The following CILP variants were observed in gnomAD, a reference collection of about 807,000 sequenced individuals.
CILP encodes cartilage intermediate layer protein 1.
Under a neutral mutation model 82.5 loss-of-function variants are expected in CILP, and 75 were observed. The ratio of observed to expected loss-of-function variants is 0.91; its 90% CI spans 0.75 to 1.10. The LOEUF (loss-of-function observed/expected upper bound fraction) is 1.10. CILP is among the 50% of genes least tolerant of loss of function. The probability of loss-of-function intolerance (pLI) is 0.00; values close to 1 mark genes in which losing one functional copy is unlikely to be tolerated. For missense variants in CILP, 1,479 were observed against 1,530.8 expected, an observed-to-expected ratio of 0.97 and a Z score of 0.56; for synonymous variants, 530 against 580.3, an observed-to-expected ratio of 0.91 and a Z score of 1.25.
In CILP at chr15:65,201,888, G is replaced by A; in HGVS notation, c.1170C>T (p.Ala390=). Residue 390 remains alanine, a synonymous_variant, in exon 8 of 9, where the codon GCC becomes GCT. Transcript: ENST00000261883. ...CAGGCTTACCTATGACAATCAGCTG[G>A]GCAACCTTGGACTTCACAGCCCCAG... ...SDAGAVKSKV[A]QLIVIASDET... is the part of the protein sequence containing the mutation. 2 of 1,560,418 alleles carry A rather than the reference G, an allele frequency of 1.3e-6. No homozygotes were observed. Among genetic ancestry groups the A allele is most frequent in the South Asian group, 1.2e-5 (1 of 83,084 alleles).
intron 8 of CILP, among the ~76,000 whole-genome samples, chr15:65,200,175 A>G (rs1365642891): frequency 1.3e-5 from 2 of 152,212 alleles, no homozygotes; most frequent in South Asian, 4.1e-4. Flanking sequence ...AAATTTAAAA[A>G]ATTTATCCTT....
At chr15:65,202,229 C>T (rs150876366) in intron 7 of CILP, among the ~76,000 whole-genome samples, 200 bp from the exon 8 acceptor site, 13 of 152,270 alleles carry the variant, frequency 8.5e-5, no homozygotes, top group African/African-American at 2.6e-4. Context: ...AGCCCTACCA[C>T]GTACCTGGCT....
intron 8 of CILP, among the ~76,000 whole-genome samples, chr15:65,199,772 G>C (rs1049351418): frequency 6.6e-6 from 1 of 152,216 alleles, no homozygotes; most frequent in Non-Finnish European, 1.5e-5. Context: ...GCAGTTAGCC[G>C]TGAGTGTGCC....
chr15:65,198,924 G>A lies in CILP; in HGVS notation c.1362C>T (p.Cys454=). Residue 454 remains cysteine (C), a synonymous_variant, in exon 9 of 9, where the codon TGC becomes TGT. Transcript: ENST00000261883. ...TTTCCTCTGTCTTGGAGATGCCACAGCAGTTCTGCACAGCATCACGGCACC... is the reference window on the plus strand; with the variant it reads ...TTTCCTCTGTCTTGGAGATGCCACAACAGTTCTGCACAGCATCACGGCACC... The part of the protein sequence containing the change: ...GIRCRDAVQN[C]CGISKTEERE... The A allele has an allele frequency of 6.2e-7, 1 of 1,614,050 alleles. No individual in the cohort carries two copies. The highest frequency in any genetic ancestry group is 8.5e-7 in the Non-Finnish European group (1 of 1,180,036).
chr15:65,197,708 G>C lies in CILP; in HGVS notation c.2578C>G (p.Arg860Gly), dbSNP rs182779628. ...CGTGGATCCTCATGGTCCGTCCGAC[G>C]GTAGTTGAGCTTGTTGAGATAGGGC... ...PQPYLNKLNY[R>G]RTDHEDPRVK... Residue 860 changes from arginine to glycine, a missense_variant, in exon 9 of 9, where the codon CGT (arginine) becomes GGT (glycine). Physicochemically the swap from Arg to Gly is moderately radical, Grantham distance 125 (BLOSUM62 -2). Transcript: ENST00000261883. 1 of 1,613,190 alleles carries C rather than the reference G, an allele frequency of 6.2e-7. No individual in the cohort carries two copies. Among genetic ancestry groups the C allele is most frequent in the East Asian group, 2.2e-5 (1 of 44,874 alleles).
chr15:65,205,610 G>C, intron 4 of CILP, 144 bp from the exon 5 acceptor site: 2 of 898,866 alleles, frequency 2.2e-6, no homozygotes, highest in Non-Finnish European at 3.3e-6. Flanking sequence ...ATTTACTGCA[G>C]TGATTTTTCC....
intron 2 of CILP, 74 bp from the exon 3 acceptor site, chr15:65,207,838 CAG>C: frequency 7.7e-7 from 1 of 1,291,060 alleles, no homozygotes; most frequent in Non-Finnish European, 1.1e-6. Flanking sequence ...TGCAGGGAAA[CAG>C]TGTGAGGTGG....
At chr15:65,206,718 C>T in intron 4 of CILP, 64 bp downstream of exon 4, 1 of 1,539,044 alleles carries the variant, frequency 6.5e-7, no homozygotes, top group Non-Finnish European at 8.8e-7. Context: ...GAGGCAGGTT[C>T]TCCCTCTCCC....
Position 65,197,357 on chromosome 15 carries a change from G to A in CILP, c.2929C>T (p.His977Tyr). Residue 977 changes from histidine (H) to tyrosine (Y), a missense_variant, in exon 9 of 9, where the codon CAT (histidine) becomes TAT (tyrosine). His to Tyr is a moderately conservative substitution (Grantham distance 83, BLOSUM62 2). Transcript: ENST00000261883. ...NVRSRNMGGTHRQTVGKLYGI... is the reference protein window; with the variant it reads ...NVRSRNMGGTYRQTVGKLYGI... ...TACAGCTTCCCCACTGTCTGCCGATGAGTGCCCCCCATGTTGCGGGATCGC... is the reference window on the plus strand; with the variant it reads ...TACAGCTTCCCCACTGTCTGCCGATAAGTGCCCCCCATGTTGCGGGATCGC... The A allele has an allele frequency of 6.2e-7, 1 of 1,614,220 alleles. No homozygotes were observed. The highest frequency in any genetic ancestry group is 1.3e-5 in the African/African-American group (1 of 75,054).
chr15:65,199,771 C>T (rs1290965923), intron 8 of CILP, among the ~76,000 whole-genome samples: 2 of 152,200 alleles, frequency 1.3e-5, no homozygotes, highest in African/African-American at 4.8e-5. Context: ...TGCAGTTAGC[C>T]GTGAGTGTGC....
At chr15:65,200,400 T>C (rs1432590785) in intron 8 of CILP, among the ~76,000 whole-genome samples, 1 of 152,190 alleles carries the variant, frequency 6.6e-6, no homozygotes, top group Non-Finnish European at 1.5e-5. Flanking sequence ...TGCTCAACTT[T>C]TTAAGAGTCT....
In CILP at chr15:65,197,549, G is replaced by C. The variant is rs139235879; in HGVS notation, c.2737C>G (p.Arg913Gly). 1 of 1,614,100 alleles carries C rather than the reference G, an allele frequency of 6.2e-7. No individual in the cohort carries two copies. Among genetic ancestry groups the C allele is most frequent in the Admixed American group, 1.7e-5 (1 of 60,008 alleles). The change falls in exon 9 of 9, where the codon CGG becomes GGG. Residue 913 changes from arginine (R) to glycine (G), a missense_variant. Transcript: ENST00000261883. ...EEAPPSAAHF[R>G]FYQIEGDRYD... is the part of the protein sequence containing the mutation. The stretch of plus-strand genomic sequence containing the variant: ...CGATCCCCCTCAATCTGGTAGAACC[G>C]GAAGTGGGCTGCACTGGGTGGTGCC...
chr15:65,208,804 T>C (rs957593857), intron 2 of CILP, among the ~76,000 whole-genome samples: 35 of 152,052 alleles, frequency 2.3e-4, no homozygotes, highest in African/African-American at 7.7e-4. Context: ...TTAATTGGGG[T>C]GATAGGAGCT....
chr15:65,197,368 A>G lies in CILP; in HGVS notation c.2918T>C (p.Met973Thr), dbSNP rs762283998. The change falls in exon 9 of 9, where the codon ATG becomes ACG. Residue 973 changes from methionine to threonine, a missense_variant. By Grantham distance (81) the Met-to-Thr change is moderately conservative. Transcript: ENST00000261883. Reference sequence around the variant, plus strand: ...CACTGTCTGCCGATGAGTGCCCCCCATGTTGCGGGATCGCACATTCACTTC... The same window carrying G: ...CACTGTCTGCCGATGAGTGCCCCCCGTGTTGCGGGATCGCACATTCACTTC... Reference protein sequence around the residue: ...PLEVNVRSRNMGGTHRQTVGK... With the variant: ...PLEVNVRSRNTGGTHRQTVGK... The G allele has an allele frequency of 9.2e-5, 148 of 1,613,990 alleles. No homozygotes were observed. Among genetic ancestry groups the G allele is most frequent in the Non-Finnish European group, 1.2e-4 (143 of 1,180,028 alleles).
In CILP at chr15:65,198,396, C is replaced by T; in HGVS notation, c.1890G>A (p.Arg630=). The part of the protein sequence containing the change: ...VKASVTFLDP[R]NISTATAAQT... ...GGGCAGCTGTGGCTGTGGAAATATT[C>T]CGGGGATCCAGGAAGGTCACACTGG... The change falls in exon 9 of 9, where the codon CGG becomes CGA. Residue 630 remains arginine, a synonymous_variant. Transcript: ENST00000261883. 1 of 1,614,204 alleles carries T rather than the reference C, an allele frequency of 6.2e-7. No individual in the cohort carries two copies. Among genetic ancestry groups the T allele is most frequent in the Non-Finnish European group, 8.5e-7 (1 of 1,180,040 alleles).
chr15:65,198,244 T>C lies in CILP; in HGVS notation c.2042A>G (p.His681Arg). Reference sequence around the variant, plus strand: ...CATCTTGACCTGGGTCGAGTCAAGGTGGACCTTCACTTTGCCAGCATTAAG... The same window carrying C: ...CATCTTGACCTGGGTCGAGTCAAGGCGGACCTTCACTTTGCCAGCATTAAG... ...EPLNAGKVKV[H>R]LDSTQVKMPE... Residue 681 changes from histidine to arginine, a missense_variant, in exon 9 of 9, where the codon CAC becomes CGC. His to Arg is a conservative substitution (Grantham distance 29). Transcript: ENST00000261883. 6.2e-7 allele frequency: 1 copy of C among 1,614,246 alleles called. No individual in the cohort carries two copies. Among genetic ancestry groups the C allele is most frequent in the Non-Finnish European group, 8.5e-7 (1 of 1,180,046 alleles).
At chr15:65,205,982 C>T (rs555666508) in intron 4 of CILP, among the ~76,000 whole-genome samples, 427 of 152,348 alleles carry the variant, frequency 2.8e-3, no homozygotes, top group African/African-American at 9.9e-3. Context: ...ATGACCACCA[C>T]TGGCGTCTGG....
At chr15:65,204,686 C>T (rs1414970890) in intron 5 of CILP, 104 bp from the exon 6 acceptor site, 12 of 1,153,668 alleles carry the variant, frequency 1.0e-5, no homozygotes, top group African/African-American at 1.6e-5. Context: ...GCTACCCTCC[C>T]TTATCAGCCT....
chr15:65,202,794 G>A (rs945442577), intron 7 of CILP, among the ~76,000 whole-genome samples: 5 of 149,282 alleles, frequency 3.3e-5, no homozygotes, highest in African/African-American at 1.2e-4. Context: ...TGATATACAA[G>A]TCTGGACCCC....
Sources: gnomAD v4.1 joint callset for allele counts (sites outside exome capture counted in the v4.1 genomes callset) on GRCh38, gnomAD v4.1.1 for gene constraint, MANE v1.5 for transcripts, NCBI Gene and HGNC (gene_info 2026-07-23, HGNC 2026-07-21) for gene names.